Variants in NRXN3 observed in about 807,000 individuals in gnomAD.
The protein encoded by NRXN3 is neurexin 3, also known as neurexin III.
Under a neutral mutation model 137.6 loss-of-function variants are expected in NRXN3, and 32 were observed. That is an observed-to-expected ratio of 0.23 (90% CI 0.18 to 0.31). The LOEUF (loss-of-function observed/expected upper bound fraction) is 0.31, where lower values mean the gene tolerates loss of function less well. Among genes scored for constraint, NRXN3 ranks in the 10% least tolerant of loss-of-function variants. NRXN3 has a pLI of 1.00. For synonymous variants in NRXN3, 798 were observed against 784.5 expected (o/e 1.02, Z -0.29); for missense variants, 1,574 against 2,062.5 (o/e 0.76, Z 4.59).
intron 17 of NRXN3, among the ~76,000 whole-genome samples, chr14:79,681,718 C>T (rs368162551): frequency 6.6e-6 from 1 of 151,184 alleles, no homozygotes; most frequent in East Asian, 1.9e-4. Flanking sequence ...TGCCAAGAGA[C>T]AGATTTTGAA....
chr14:79,846,849 G>A (rs967020239), intron 20 of NRXN3, among the ~76,000 whole-genome samples: 17 of 152,008 alleles, frequency 1.1e-4, no homozygotes, highest in Admixed American at 3.3e-4. Context: ...AATGTTTATT[G>A]AATGAATTAA....
chr14:79,166,998 C>A (rs965801690), intron 15 of NRXN3, among the ~76,000 whole-genome samples: 1 of 151,904 alleles, frequency 6.6e-6, no homozygotes, highest in Non-Finnish European at 1.5e-5. Context: ...GTGGTGTTAT[C>A]CCTGGTATAT....
At chr14:79,071,235 T>C (rs2099687278) in intron 15 of NRXN3, among the ~76,000 whole-genome samples, 1 of 152,142 alleles carries the variant, frequency 6.6e-6, no homozygotes, top group South Asian at 2.1e-4. Flanking sequence ...AATGTGGTTT[T>C]TGCCATTTTC....
intron 10 of NRXN3, among the ~76,000 whole-genome samples, chr14:78,878,698 G>C (rs889439913): frequency 6.6e-6 from 1 of 151,958 alleles, no homozygotes; most frequent in Non-Finnish European, 1.5e-5. Flanking sequence ...TGATTTTTTT[G>C]TTGTGAGAAC....
chr14:79,794,884 C>T (rs993793579), intron 19 of NRXN3, among the ~76,000 whole-genome samples: 3 of 152,236 alleles, frequency 2.0e-5, no homozygotes, highest in South Asian at 4.1e-4. Context: ...TGGACACACA[C>T]ATTGCATGTA....
chr14:78,481,564 C>T (rs1374127660), intron 4 of NRXN3, among the ~76,000 whole-genome samples: 1 of 152,102 alleles, frequency 6.6e-6, no homozygotes, highest in East Asian at 1.9e-4. Context: ...AGAGCCCAGG[C>T]AAAGTCTGAG....
chr14:79,792,039 T>G (rs1733254551), intron 19 of NRXN3, among the ~76,000 whole-genome samples: 1 of 152,190 alleles, frequency 6.6e-6, no homozygotes, highest in Admixed American at 6.5e-5. Context: ...TTGCTGGACA[T>G]ATGAAGACCT....
At position 78,196,235 on chromosome 14, in the gene NRXN3, G is replaced by A. The variant is rs187424173; in HGVS notation, c.-704+25561G>A. Among the ~76,000 whole-genome samples the A allele has an allele frequency of 4.1e-4, 62 of 152,370 alleles. 1 individual carries two copies. Among genetic ancestry groups the A allele is most frequent in the Admixed American group, 7.8e-4 (12 of 15,310 alleles). On this transcript the variant is annotated intron_variant, in intron 1 of 20. Transcript: ENST00000335750. ...CATGAGGGACTGTTTGGCCATGCCA[G>A]CACCACTCAAGGGCCTATTTGCCAA...
chr14:78,626,603 A>T (rs986692868), intron 4 of NRXN3, among the ~76,000 whole-genome samples: 62 of 152,338 alleles, frequency 4.1e-4, no homozygotes, highest in African/African-American at 1.4e-3. Context: ...GGTCTATGTC[A>T]ATGTCAGATA....
chr14:79,631,281 T>C lies in NRXN3; in HGVS notation c.3445-32497T>C, dbSNP rs557711002. Among the ~76,000 whole-genome samples the C allele has an allele frequency of 2.6e-5, 4 of 152,314 alleles. No homozygotes were observed. In the South Asian group the frequency reaches 8.3e-4, roughly 32 times the overall value. On this transcript the variant is annotated intron_variant, in intron 16 of 20. Transcript: ENST00000335750. ...AAAGGACCAGAATAAGGGTAGGAGGTACTTTTGAGAGGTGACAACGTGCTA... is the reference window on the plus strand; with the variant it reads ...AAAGGACCAGAATAAGGGTAGGAGGCACTTTTGAGAGGTGACAACGTGCTA...
At chr14:79,094,790 C>T (rs1024951875) in intron 15 of NRXN3, among the ~76,000 whole-genome samples, 1 of 151,956 alleles carries the variant, frequency 6.6e-6, no homozygotes, top group African/African-American at 2.4e-5. Flanking sequence ...TCCAGCAAGC[C>T]TTACTGAATT....
At chr14:78,720,708 A>G (rs1342241425) in intron 8 of NRXN3, among the ~76,000 whole-genome samples, 1 of 152,202 alleles carries the variant, frequency 6.6e-6, no homozygotes, top group East Asian at 1.9e-4. Flanking sequence ...ACTATATAGC[A>G]TGTAGTATAT....
chr14:79,510,305 T>C (rs1422248427), intron 16 of NRXN3, among the ~76,000 whole-genome samples: 2 of 152,166 alleles, frequency 1.3e-5, no homozygotes. Flanking sequence ...AGTCAGGCAC[T>C]CATGTGAAAG....
At chr14:78,173,709 C>CTTTTTTTTTTTTTTT (rs10638142) in intron 1 of NRXN3, among the ~76,000 whole-genome samples, 1,130 of 69,304 alleles carry the variant, frequency 0.016, 268 homozygotes, top group African/African-American at 0.037. Context: ...TTTTTCCTTG[C>CTTTTTTTTTTTTTTT]TTTTTTTTTT....
intron 15 of NRXN3, among the ~76,000 whole-genome samples, chr14:79,348,988 A>G (rs2093053072): frequency 6.6e-6 from 1 of 152,316 alleles, no homozygotes; most frequent in African/African-American, 2.4e-5. Context: ...GTTGATCAAT[A>G]AAGTCACTTT....
intron 15 of NRXN3, among the ~76,000 whole-genome samples, chr14:79,416,693 T>C (rs145239613): frequency 6.6e-6 from 1 of 152,286 alleles, no homozygotes; most frequent in East Asian, 1.9e-4. Context: ...TAGACTGTCA[T>C]TCAGCCCTCT....
intron 16 of NRXN3, among the ~76,000 whole-genome samples, chr14:79,662,595 G>A (rs1409524909): frequency 6.6e-6 from 1 of 152,072 alleles, no homozygotes; most frequent in Non-Finnish European, 1.5e-5. Context: ...AGAAATACCT[G>A]AGAATGAGTG....
intron 20 of NRXN3, among the ~76,000 whole-genome samples, chr14:79,806,316 A>G (rs1362162828): frequency 6.6e-6 from 1 of 152,166 alleles, no homozygotes; most frequent in Non-Finnish European, 1.5e-5. Context: ...TGACCCCTAA[A>G]TGATTTACAA....
At chr14:79,145,372 C>A (rs1453440747) in intron 15 of NRXN3, among the ~76,000 whole-genome samples, 2 of 152,180 alleles carry the variant, frequency 1.3e-5, no homozygotes, top group East Asian at 3.9e-4. Context: ...GTACCAGAGA[C>A]CGAAAGTCAT....
Sources: gnomAD v4.1 joint callset for allele counts (sites outside exome capture counted in the v4.1 genomes callset) on GRCh38, gnomAD v4.1.1 for gene constraint, MANE v1.5 for transcripts, NCBI Gene and HGNC (gene_info 2026-07-23, HGNC 2026-07-21) for gene names.